The following GCSAML variants were observed in gnomAD, a reference collection of about 807,000 sequenced individuals.
The protein encoded by GCSAML is germinal center associated signaling and motility like, also known as germinal center-associated signaling and motility-like protein.
GCSAML carries 9 observed loss-of-function variants against 13.0 expected under a neutral mutation model. The observed-to-expected ratio is 0.69, with a 90% CI of 0.42 to 1.21. GCSAML has a LOEUF of 1.21. GCSAML is among the 50% of genes most tolerant of loss of function. The pLI, the probability that GCSAML is intolerant of heterozygous loss-of-function variation, is 0.00. For synonymous variants in GCSAML, 37 were observed against 52.9 expected (o/e 0.70, Z 1.31); for missense variants, 143 against 153.4 (o/e 0.93, Z 0.36).
intron 2 of GCSAML, among the ~76,000 whole-genome samples, chr1:247,537,741 C>T (rs1274017839): frequency 6.6e-6 from 1 of 152,096 alleles, no homozygotes; most frequent in African/African-American, 2.4e-5. Context: ...TTGTGTTTCC[C>T]AGCAGCTAAT....
intron 2 of GCSAML, chr1:247,533,677 C>A (rs1667100751): frequency 1.3e-5 from 2 of 152,218 alleles, no homozygotes; most frequent in Admixed American, 1.3e-4. Flanking sequence ...AATCATATTT[C>A]TACATGGCTG....
intron 3 of GCSAML, 117 bp from the exon 4 acceptor site, chr1:247,565,814 C>G: frequency 4.1e-6 from 3 of 734,132 alleles, no homozygotes; most frequent in Non-Finnish European, 6.7e-6. Context: ...TAATAGGCCT[C>G]TGCAGTTTTA....
At chr1:247,562,150 C>T (rs1286007942) in intron 2 of GCSAML, among the ~76,000 whole-genome samples, 3 of 152,158 alleles carry the variant, frequency 2.0e-5, no homozygotes, top group Non-Finnish European at 4.4e-5. Flanking sequence ...GGGTGCCTTA[C>T]GGGTCATAGG....
At chr1:247,559,895 G>A (rs1451044977) in intron 2 of GCSAML, among the ~76,000 whole-genome samples, 2 of 152,142 alleles carry the variant, frequency 1.3e-5, no homozygotes, top group South Asian at 4.1e-4. Flanking sequence ...TTATGACCTT[G>A]TTTTAATTTA....
intron 2 of GCSAML, among the ~76,000 whole-genome samples, chr1:247,558,686 A>G (rs1036050410): frequency 2.6e-5 from 4 of 152,162 alleles, no homozygotes; most frequent in African/African-American, 7.2e-5. Context: ...TCAAAACTCA[A>G]TAATTTTGTT....
intron 2 of GCSAML, chr1:247,538,704 C>A (rs1667305882): frequency 2.2e-6 from 1 of 455,670 alleles, no homozygotes; most frequent in Middle Eastern, 3.9e-4. Flanking sequence ...ACACAGCAAG[C>A]AGGCAGATGG....
chr1:247,552,141 A>G (rs1338390978), intron 1 of GCSAML, among the ~76,000 whole-genome samples: 2 of 152,170 alleles, frequency 1.3e-5, no homozygotes, highest in Non-Finnish European at 2.9e-5. Context: ...CTGGGTAGGA[A>G]AGAGTTGTCA....
At chr1:247,517,774 C>T (rs899503398) in intron 1 of GCSAML, among the ~76,000 whole-genome samples, 1 of 152,128 alleles carries the variant, frequency 6.6e-6, no homozygotes, top group African/African-American at 2.4e-5. Flanking sequence ...GGAATGGATC[C>T]TCCGCACTGA....
intron 4 of GCSAML, among the ~76,000 whole-genome samples, chr1:247,573,788 C>T (rs1232703276): frequency 2.0e-5 from 3 of 152,164 alleles, no homozygotes; most frequent in African/African-American, 7.2e-5. Flanking sequence ...GCAGTATTTC[C>T]ATTTTTATGA....
intron 2 of GCSAML, chr1:247,536,461 T>C (rs1015144717): frequency 3.9e-5 from 6 of 152,086 alleles, no homozygotes; most frequent in Non-Finnish European, 8.8e-5. Flanking sequence ...TGTAAGAAAA[T>C]TGATAATCAA....
intron 2 of GCSAML, among the ~76,000 whole-genome samples, chr1:247,532,859 T>A (rs1453254548): frequency 1.3e-5 from 1 of 77,792 alleles, no homozygotes; most frequent in Non-Finnish European, 2.6e-5. Context: ...TTGGACTGTA[T>A]AATAAAAGAC....
intron 1 of GCSAML, among the ~76,000 whole-genome samples, chr1:247,510,861 A>G (rs980253193): frequency 7.9e-5 from 12 of 152,202 alleles, no homozygotes; most frequent in African/African-American, 2.9e-4. Flanking sequence ...GGTCTGAGAG[A>G]CTGTTTGTTA....
At chr1:247,513,036 G>T (rs571487296) in intron 1 of GCSAML, among the ~76,000 whole-genome samples, 1 of 152,190 alleles carries the variant, frequency 6.6e-6, no homozygotes, top group Admixed American at 6.5e-5. Flanking sequence ...GAGCTTGAGC[G>T]CTGTGTTGGG....
In GCSAML at chr1:247,526,095, G is replaced by A. The variant is rs762790462; in HGVS notation, c.-262-845G>A. On this transcript the variant is annotated intron_variant, in intron 1 of 5. Coordinates refer to the GCSAML transcript ENST00000366489. The surrounding 1 kb of genome is among the most constrained non-coding windows in gnomAD (Gnocchi z 4.8). ...TAATAATGAAAATGAGAAATTCCAC[G>A]GTGATTAGGTTTGAAATATACCTGT... 2.6e-5 allele frequency: 4 copies of A among 152,092 alleles called. No homozygotes were observed. Among genetic ancestry groups the A allele is most frequent in the African/African-American group, 7.2e-5 (3 of 41,408 alleles). The allele number at this position is 152,092 out of a possible 1,614,324, so 9.4% of individuals were successfully genotyped here.
At chr1:247,531,056 C>CTCG in intron 2 of GCSAML, 1 of 159,412 alleles carries the variant, frequency 6.3e-6, no homozygotes. Context: ...GGCTTCAAGG[C>CTCG]CTGGGCCGAG....
At chr1:247,543,124 T>A (rs61347616) in intron 2 of GCSAML, among the ~76,000 whole-genome samples, 5,203 of 152,340 alleles carry the variant, frequency 0.034, 288 homozygotes, top group African/African-American at 0.12. Flanking sequence ...AAAACAAGGC[T>A]AAAGAAATGC....
chr1:247,570,907 A>G (rs376145558), intron 4 of GCSAML, among the ~76,000 whole-genome samples: 2 of 152,136 alleles, frequency 1.3e-5, no homozygotes, highest in East Asian at 3.9e-4. Flanking sequence ...TTCGGTGCAT[A>G]TATATTTAGG....
intron 1 of GCSAML, among the ~76,000 whole-genome samples, chr1:247,512,002 C>T (rs908283865): frequency 1.1e-4 from 16 of 152,190 alleles, no homozygotes; most frequent in Admixed American, 2.0e-4. Flanking sequence ...GCTCTTCTCG[C>T]GGAGTATCTT....
At chr1:247,528,080 C>T (rs1243537558) in intron 2 of GCSAML, 1 of 152,112 alleles carries the variant, frequency 6.6e-6, no homozygotes, top group East Asian at 1.9e-4. Flanking sequence ...GGGTTCTAAA[C>T]TGAGTAAAAA....
Sources: allele counts gnomAD v4.1 joint callset (sites outside exome capture counted in the v4.1 genomes callset), GRCh38; gene constraint gnomAD v4.1.1; non-coding constraint Gnocchi (gnomAD v3.1); transcripts MANE v1.5; gene names NCBI Gene and HGNC (gene_info 2026-07-23, HGNC 2026-07-21).